ANP32E: variants seen among roughly 807,000 people sequenced by gnomAD.
ANP32E encodes acidic nuclear phosphoprotein 32 family member E.
In ANP32E, 14 loss-of-function variants were observed where a neutral mutation model predicts 35.3. That is an observed-to-expected ratio of 0.40 (90% CI 0.26 to 0.62). ANP32E has a LOEUF of 0.62. ANP32E is among the 20% of genes least tolerant of loss of function. The pLI is 0.45. For missense variants in ANP32E, 198 were observed against 304.4 expected (o/e 0.65, Z 2.60); for synonymous variants, 89 against 110.4 (o/e 0.81, Z 1.22).
rs782025643 is a variant in ANP32E, at chr1:150,235,735, C to T, written c.52G>A (p.Glu18Lys). 3.7e-6 allele frequency: 6 copies of T among 1,613,352 alleles called. No homozygotes were observed. Among genetic ancestry groups the T allele is most frequent in the East Asian group, 4.5e-5 (2 of 44,856 alleles). ...CGGTGGGGGCTGAGTCATCTCACCTCCTCCGGGGATCTGTTCCTTAACTCC... is the reference window on the plus strand; with the variant it reads ...CGGTGGGGGCTGAGTCATCTCACCTTCTCCGGGGATCTGTTCCTTAACTCC... ...NLELRNRSPE[E>K]VTELVLDNCL... The change falls in exon 1 of 7, where the codon GAG becomes AAG. Residue 18 changes from glutamate to lysine, a missense_variant and splice_region_variant. Glu to Lys is a moderately conservative substitution (Grantham distance 56). Coordinates refer to ENST00000583931, the MANE Select transcript of ANP32E (RefSeq NM_030920.5). This position sits in a 1 kb window ranked among gnomAD's most constrained non-coding sequence, Gnocchi z 4.2.
At chr1:150,228,115 T>C (rs903439214) in intron 4 of ANP32E, among the ~76,000 whole-genome samples, 4 of 151,606 alleles carry the variant, frequency 2.6e-5, no homozygotes, top group Non-Finnish European at 5.9e-5. Flanking sequence ...TTTGCTTTTT[T>C]GTTTTGTTTT....
chr1:150,233,358 A>G (rs1375326239), intron 1 of ANP32E, among the ~76,000 whole-genome samples: 1 of 151,790 alleles, frequency 6.6e-6, no homozygotes, highest in South Asian at 2.1e-4. Flanking sequence ...TGATAAAACC[A>G]TCATAACTCA....
rs1553841785 is a variant in ANP32E at position 150,231,806 on chromosome 1, G to A, written c.175C>T (p.Arg59Trp). The change falls in exon 2 of 7, where the codon CGG (arginine) becomes TGG (tryptophan). Residue 59 changes from arginine (R) to tryptophan (W), a missense_variant. Around this residue, in one of 4 missense-constraint regions of ANP32E, gnomAD observed 11 missense variants for 56.9 expected, o/e 0.19. Coordinates refer to ENST00000583931, the MANE Select transcript of ANP32E (RefSeq NM_030920.5). Reference sequence around the variant, plus strand: ...CGAAGTTTATTTAAGCTGGGAAGCCGGGCCAGCGAACTTAGTTCCACATTA... The same window carrying A: ...CGAAGTTTATTTAAGCTGGGAAGCCAGGCCAGCGAACTTAGTTCCACATTA... ...MANVELSSLA[R>W]LPSLNKLRKL... is the part of the protein sequence containing the mutation. The A allele has an allele frequency of 3.1e-6, 5 of 1,602,600 alleles. No individual in the cohort carries two copies. Among genetic ancestry groups the A allele is most frequent in the South Asian group, 1.1e-5 (1 of 88,206 alleles).
Position 150,235,678 on chromosome 1 carries a change from C to T in ANP32E, c.54+55G>A. 1 of 1,609,164 alleles carries T rather than the reference C, an allele frequency of 6.2e-7. No homozygotes were observed. Among genetic ancestry groups the T allele is most frequent in the Non-Finnish European group, 8.5e-7 (1 of 1,177,448 alleles). On this transcript the variant is annotated intron_variant, in intron 1 of 6. Transcript: ENST00000583931. This position sits in a 1 kb window ranked among gnomAD's most constrained non-coding sequence, Gnocchi z 4.2. ...ACACCCACCCAGGACCACCAGAAAT[C>T]CGATCCTCAGAATACTGGACTGATG...
At position 150,219,918 on chromosome 1, in the gene ANP32E, G is replaced by A. The variant is rs1198229025; in HGVS notation, c.*773C>T. ...AACAAGAAGGGAAGGTGATCATAAA[G>A]GAATTGCTAAGAAGAAAAAGAATGC... On this transcript the variant is annotated 3_prime_UTR_variant, in exon 7 of 7. Transcript: ENST00000583931. The A allele has an allele frequency of 1.3e-5, 2 of 152,080 alleles. No homozygotes were observed. The highest frequency in any genetic ancestry group is 3.8e-4 in the East Asian group (2 of 5,196). The allele number at this position is 152,080 out of a possible 1,614,324, so 9.4% of individuals were successfully genotyped here. A position where few individuals can be genotyped will look rare whatever the true frequency, so the allele number is the denominator to read the frequency against.
intron 1 of ANP32E, chr1:150,234,702 A>T: frequency 1.0e-6 from 1 of 983,854 alleles, no homozygotes; most frequent in Non-Finnish European, 1.2e-6. Flanking sequence ...CGGGGCGGGG[A>T]CTCCCCAAGG....
chr1:150,230,472 C>A (rs1304568550), intron 3 of ANP32E, 99 bp downstream of exon 3: 2 of 1,235,082 alleles, frequency 1.6e-6, no homozygotes, highest in African/African-American at 1.5e-5. Context: ...ACAAAAAATT[C>A]TTAAGTTTTA....
At chr1:150,228,178 A>T (rs1649033517) in intron 4 of ANP32E, among the ~76,000 whole-genome samples, 1 of 151,676 alleles carries the variant, frequency 6.6e-6, no homozygotes, top group Non-Finnish European at 1.5e-5. Context: ...ACACGATCTC[A>T]GCTCACTGCA....
In ANP32E at chr1:150,235,296, ATGAGT is replaced by A. The variant is rs1553842975; in HGVS notation, c.54+432_54+436del. Among the ~76,000 whole-genome samples, 3 of 152,176 alleles carry A rather than the reference ATGAGT, an allele frequency of 2.0e-5. No individual in the cohort carries two copies. Among genetic ancestry groups the A allele is most frequent in the Non-Finnish European group, 4.4e-5 (3 of 68,028 alleles). ...CCGGGGAAGCCCACCCCCTAAAAAG[ATGAGT>A]TGGCCGCACTGCAGAAAAGTTGGAC... On this transcript the variant is annotated intron_variant, in intron 1 of 6. Transcript: ENST00000583931. The surrounding 1 kb of genome is among the most constrained non-coding windows in gnomAD (Gnocchi z 4.2).
At chr1:150,229,297 T>C (rs1560002116) in intron 3 of ANP32E, 60 bp from the exon 4 acceptor site, 2 of 832,448 alleles carry the variant, frequency 2.4e-6, no homozygotes, top group Non-Finnish European at 3.4e-6. Context: ...ATTTCTTTTT[T>C]CTTTTTTTTT....
chr1:150,227,776 A>G (rs1648990283), intron 4 of ANP32E, among the ~76,000 whole-genome samples: 1 of 101,398 alleles, frequency 9.9e-6, no homozygotes, highest in African/African-American at 3.1e-5. Flanking sequence ...TCATCATTTT[A>G]TAACAGTATT....
At chr1:150,234,976 C>T (rs1649658162) in intron 1 of ANP32E, among the ~76,000 whole-genome samples, 1 of 152,242 alleles carries the variant, frequency 6.6e-6, no homozygotes, top group African/African-American at 2.4e-5. Flanking sequence ...GAAACCGTCT[C>T]CAGGGATCAA....
chr1:150,222,159 G>T (rs1158690018), intron 6 of ANP32E, among the ~76,000 whole-genome samples: 1 of 151,896 alleles, frequency 6.6e-6, no homozygotes, highest in African/African-American at 2.4e-5. Flanking sequence ...GGTGGCTCAC[G>T]CCTATAATCC....
In ANP32E at chr1:150,220,485, A is replaced by C. The variant is rs1648251321; in HGVS notation, c.*206T>G. 2.0e-6 allele frequency: 1 copy of C among 498,808 alleles called. No homozygotes were observed. The highest frequency in any genetic ancestry group is 3.6e-6 in the Non-Finnish European group (1 of 278,110). The allele number at this position is 498,808 out of a possible 1,614,324, so 30.9% of individuals were successfully genotyped here. The stretch of plus-strand genomic sequence containing the variant: ...GCTAGGGAATTCCACAATGGGAGTC[A>C]ATGAAAATTTTTCTCTACATACAAT... On this transcript the variant is annotated 3_prime_UTR_variant, in exon 7 of 7. Transcript: ENST00000583931.
chr1:150,230,696 A>G lies in ANP32E; in HGVS notation c.205-3T>C, dbSNP rs1553841485. 1 of 1,537,640 alleles carries G rather than the reference A, an allele frequency of 6.5e-7. No homozygotes were observed. The highest frequency in any genetic ancestry group is 8.7e-7 in the Non-Finnish European group (1 of 1,153,276). The stretch of plus-strand genomic sequence containing the variant: ...ATTATATTATCACTAAGCTCCAACT[A>G]TACATTCAACAAAGGAAAAAACAAA... On this transcript the variant is annotated splice_polypyrimidine_tract_variant and splice_region_variant and intron_variant, in intron 2 of 6. Coordinates refer to ENST00000583931, the MANE Select transcript of ANP32E (RefSeq NM_030920.5).
intron 3 of ANP32E, among the ~76,000 whole-genome samples, chr1:150,229,719 C>A (rs781979098): frequency 6.6e-6 from 1 of 152,232 alleles, no homozygotes; most frequent in Non-Finnish European, 1.5e-5. Flanking sequence ...CTCAGGTGAT[C>A]TGCCTGCCTC....
In ANP32E at chr1:150,220,621, A is replaced by C. The variant is rs1267504315; in HGVS notation, c.*70T>G. The stretch of plus-strand genomic sequence containing the variant: ...TCTTCTGTAGGGATAGCTATCGTAC[A>C]TGAAGAAACAAAGATGTGATCACTC... On this transcript the variant is annotated 3_prime_UTR_variant, in exon 7 of 7. Transcript: ENST00000583931. 9.4e-6 allele frequency: 13 copies of C among 1,382,774 alleles called. No homozygotes were observed. The highest frequency in any genetic ancestry group is 1.4e-5 in the African/African-American group (1 of 70,002). 85.7% of individuals were successfully genotyped at this position (1,382,774 alleles called of 1,614,324 possible).
intron 6 of ANP32E, among the ~76,000 whole-genome samples, chr1:150,221,128 A>AAAC (rs1315599641): frequency 6.6e-6 from 1 of 150,534 alleles, no homozygotes; most frequent in African/African-American, 2.4e-5. Flanking sequence ...AAAAAAAAAA[A>AAAC]AAAAAACGTT....
rs1248553792 is a variant in ANP32E at position 150,219,565 on chromosome 1, A to C, written c.*1126T>G. The C allele has an allele frequency of 6.6e-6, 1 of 152,200 alleles. No individual in the cohort carries two copies. The highest frequency in any genetic ancestry group is 1.5e-5 in the Non-Finnish European group (1 of 68,024). 9.4% of individuals were successfully genotyped at this position (152,200 alleles called of 1,614,324 possible). A position where few individuals can be genotyped will look rare whatever the true frequency, so the allele number is the denominator to read the frequency against. ...TTTGAGAGGCCAACATTAAAATTTG[A>C]CTTTAATGTCTTATTAATATATCAA... On this transcript the variant is annotated 3_prime_UTR_variant, in exon 7 of 7. Coordinates refer to ENST00000583931, the MANE Select transcript of ANP32E (RefSeq NM_030920.5).
Sources: gnomAD v4.1 joint callset for allele counts (sites outside exome capture counted in the v4.1 genomes callset) on GRCh38, gnomAD v4.1.1 for gene constraint, gnomAD v4.1.1 regional missense constraint, Gnocchi (gnomAD v3.1) non-coding constraint, MANE v1.5 for transcripts, NCBI Gene and HGNC (gene_info 2026-07-23, HGNC 2026-07-21) for gene names.